Variants in NF1 observed in about 807,000 individuals in gnomAD.
NF1 encodes neurofibromin.
NF1 carries 122 observed loss-of-function variants against 325.7 expected under a neutral mutation model. That is an observed-to-expected ratio of 0.37 (90% CI 0.32 to 0.44). The LOEUF is 0.44. Ranked by LOEUF, NF1 falls within the 20% of genes least tolerant of loss-of-function variation. NF1 has a pLI of 1.00. For missense variants in NF1, 2,140 were observed against 3,415.4 expected (o/e 0.63, Z 9.31); for synonymous variants, 1,091 against 1,186.0 (o/e 0.92, Z 1.65).
intron 1 of NF1, among the ~76,000 whole-genome samples, chr17:31,130,790 T>C (rs1053275449): frequency 1.2e-4 from 18 of 152,168 alleles, no homozygotes; most frequent in Admixed American, 3.9e-4. Context: ...GAAAACAAGG[T>C]ACACCTGTGC....
At position 31,254,620 on chromosome 17, in the gene NF1, A is replaced by G. The variant is rs570678933; in HGVS notation, c.4173+1620A>G. 1.2e-4 allele frequency among the ~76,000 whole-genome samples: 19 copies of G among 152,316 alleles called. No homozygotes were observed. In the East Asian group the frequency reaches 3.5e-3, roughly 28 times the overall value. ...TTATACTAATGCCATTTTGTAGTGT[A>G]TCACATAATTAAAATTCAGGCTTTC... On this transcript the variant is annotated intron_variant, in intron 31 of 57. Coordinates refer to ENST00000358273, the MANE Select transcript of NF1 (RefSeq NM_001042492.3).
intron 8 of NF1, among the ~76,000 whole-genome samples, chr17:31,189,783 C>T (rs1256785262): frequency 3.3e-5 from 4 of 120,116 alleles, no homozygotes; most frequent in Non-Finnish European, 3.3e-5. Context: ...TTTTTTGAGA[C>T]GGTGTTTCAC....
chr17:31,357,128 T>G (rs749374392), intron 53 of NF1, 38 bp downstream of exon 53: 2 of 1,612,088 alleles, frequency 1.2e-6, no homozygotes, highest in Non-Finnish European at 1.7e-6. Context: ...CACCCTCAAA[T>G]TTTTATTCCA....
chr17:31,294,899 G>T, intron 36 of NF1: 1 of 1,420,974 alleles, frequency 7.0e-7, no homozygotes, highest in Non-Finnish European at 9.9e-7. Context: ...GTTAAGACTG[G>T]CTTTCTTGAA....
At chr17:31,268,108 TTCC>T (rs1171675609) in intron 36 of NF1, among the ~76,000 whole-genome samples, 2 of 152,234 alleles carry the variant, frequency 1.3e-5, no homozygotes, top group African/African-American at 4.8e-5. Context: ...TGTTCAACTC[TTCC>T]TCATGATTTT....
At position 31,358,962 on chromosome 17, in the gene NF1, G is replaced by A. The variant is rs763549780; in HGVS notation, c.8114-7G>A. On this transcript the variant is annotated splice_region_variant and splice_polypyrimidine_tract_variant and intron_variant, in intron 55 of 57. Coordinates refer to ENST00000358273, the MANE Select transcript of NF1 (RefSeq NM_001042492.3). ...TTGTTATAAGAGTAAAATTTGATTT[G>A]TTGCAGGTTTTGGTTTTAATGGCTT... 1.9e-6 allele frequency: 3 copies of A among 1,612,882 alleles called. No individual in the cohort carries two copies. The Admixed American group carries it at 5.0e-5, about 27-fold the overall frequency.
intron 5 of NF1, among the ~76,000 whole-genome samples, chr17:31,178,387 A>G (rs1360372683): frequency 6.6e-6 from 1 of 152,240 alleles, no homozygotes; most frequent in Non-Finnish European, 1.5e-5. Flanking sequence ...ATGGAAAGGA[A>G]CAACTGGTAC....
At position 31,226,637 on chromosome 17, in the gene NF1, A is replaced by G. The variant is rs1447598673; in HGVS notation, c.2204A>G (p.Tyr735Cys). 1 of 1,613,862 alleles carries G rather than the reference A, an allele frequency of 6.2e-7. No individual in the cohort carries two copies. Among genetic ancestry groups the G allele is most frequent in the East Asian group, 2.2e-5 (1 of 44,878 alleles). Reference sequence around the variant, plus strand: ...TCAGTGCATAACCTCTTGCCCAACTATAACACATTCATGGAGTTTGCCTCT... The same window carrying G: ...TCAGTGCATAACCTCTTGCCCAACTGTAACACATTCATGGAGTTTGCCTCT... ...EVSVHNLLPN[Y>C]NTFMEFASVS... Residue 735 changes from tyrosine to cysteine, a missense_variant, in exon 18 of 58, where the codon TAT becomes TGT. Physicochemically the swap from Tyr to Cys is radical, Grantham distance 194 (BLOSUM62 -2). Around this residue, in one of 10 missense-constraint regions of NF1, gnomAD observed 380 missense variants for 639.3 expected, o/e 0.59. Transcript: ENST00000358273.
At chr17:31,312,000 T>C (rs2068888021) in intron 36 of NF1, among the ~76,000 whole-genome samples, 1 of 152,150 alleles carries the variant, frequency 6.6e-6, no homozygotes, top group Admixed American at 6.5e-5. Context: ...TATAAGAATT[T>C]GGAATGGTTT....
intron 36 of NF1, among the ~76,000 whole-genome samples, chr17:31,306,512 C>T (rs990409018): frequency 2.0e-4 from 31 of 152,160 alleles, no homozygotes; most frequent in African/African-American, 6.3e-4. Flanking sequence ...CTTCTCCCAA[C>T]TTCTCTGTAT....
At chr17:31,211,817 G>A (rs1469876520) in intron 12 of NF1, among the ~76,000 whole-genome samples, 1 of 152,176 alleles carries the variant, frequency 6.6e-6, no homozygotes, top group African/African-American at 2.4e-5. Context: ...GAGTCATTGA[G>A]TGAGTGTTGA....
At chr17:31,318,337 CCTT>C (rs1180324399) in intron 36 of NF1, 60 of 1,609,334 alleles carry the variant, frequency 3.7e-5, no homozygotes, top group Non-Finnish European at 4.8e-5. Context: ...TTTTTCAGTT[CCTT>C]CTTCATCTTT....
Position 31,184,388 on chromosome 17 carries a change from G to A in NF1, c.888+1723G>A, listed in dbSNP as rs183479163. 7.0e-3 allele frequency among the ~76,000 whole-genome samples: 1,068 copies of A among 152,198 alleles called. 12 individuals carry two copies. The highest frequency in any genetic ancestry group is 0.037 in the South Asian group (178 of 4,820). ...TGATGGGCCGGGCGCGGTGGCTCACGCCTGTAATCCCAGCACTTTGGGAGG... is the reference window on the plus strand; with the variant it reads ...TGATGGGCCGGGCGCGGTGGCTCACACCTGTAATCCCAGCACTTTGGGAGG... On this transcript the variant is annotated intron_variant, in intron 8 of 57. Coordinates refer to ENST00000358273, the MANE Select transcript of NF1 (RefSeq NM_001042492.3).
chr17:31,141,115 T>C (rs1167916213), intron 1 of NF1, among the ~76,000 whole-genome samples: 1 of 152,148 alleles, frequency 6.6e-6, no homozygotes, highest in Non-Finnish European at 1.5e-5. Flanking sequence ...CACACACACA[T>C]AGTAACTATG....
intron 57 of NF1, chr17:31,362,278 T>C (rs2070417971): frequency 1.0e-6 from 1 of 985,214 alleles, no homozygotes. Flanking sequence ...AAAATTTACT[T>C]TTTTTACAGA....
chr17:31,124,602 T>C (rs1914712328), intron 1 of NF1, among the ~76,000 whole-genome samples: 2 of 138,802 alleles, frequency 1.4e-5, no homozygotes, highest in African/African-American at 2.6e-5. Context: ...ATTTTTTTTT[T>C]TTTTTTTTTT....
chr17:31,354,631 T>C (rs1338541617), intron 51 of NF1, among the ~76,000 whole-genome samples: 1 of 152,066 alleles, frequency 6.6e-6, no homozygotes, highest in African/African-American at 2.4e-5. Flanking sequence ...TTTAATAAAA[T>C]TGATATAGCA....
intron 1 of NF1, among the ~76,000 whole-genome samples, chr17:31,131,685 A>G (rs1915406004): frequency 6.6e-6 from 1 of 152,184 alleles, no homozygotes; most frequent in Non-Finnish European, 1.5e-5. Flanking sequence ...AAATTTAACA[A>G]ATCAGTTGTT....
chr17:31,200,958 T>A, intron 9 of NF1, 79 bp from the exon 10 acceptor site: 7 of 1,585,566 alleles, frequency 4.4e-6, no homozygotes, highest in Non-Finnish European at 6.1e-6. Context: ...GTGGGTAATG[T>A]GTTGATGTTA....
Sources: gnomAD v4.1 joint callset for allele counts (sites outside exome capture counted in the v4.1 genomes callset) on GRCh38, gnomAD v4.1.1 for gene constraint, gnomAD v4.1.1 regional missense constraint, MANE v1.5 for transcripts, NCBI Gene and HGNC (gene_info 2026-07-23, HGNC 2026-07-21) for gene names.